PITPNM1: variants seen among roughly 807,000 people sequenced by gnomAD.
PITPNM1 encodes phosphatidylinositol transfer protein membrane associated 1, also known as membrane-associated phosphatidylinositol transfer protein 1.
PITPNM1 carries 74 observed loss-of-function variants against 133.3 expected under a neutral mutation model. The observed-to-expected ratio is 0.56, with a 90% CI of 0.46 to 0.67. The LOEUF (loss-of-function observed/expected upper bound fraction) is 0.67, where lower values mean the gene tolerates loss of function less well. Ranked by LOEUF, PITPNM1 falls within the 30% of genes least tolerant of loss-of-function variation. The pLI is 0.00. For synonymous variants in PITPNM1, 738 were observed against 741.4 expected, an observed-to-expected ratio of 1.00 and a Z score of 0.08; for missense variants, 1,398 against 1,739.5, an observed-to-expected ratio of 0.80 and a Z score of 3.49.
chr11:67,499,205 T>G (rs998679989), intron 8 of PITPNM1, among the ~76,000 whole-genome samples: 85 of 152,246 alleles, frequency 5.6e-4, no homozygotes, highest in African/African-American at 1.9e-3. Context: ...CAGGGCTGCC[T>G]CTCCACACAA....
At position 67,504,427 on chromosome 11, in the gene PITPNM1, C is replaced by T. The variant is rs1463012323; in HGVS notation, c.-41-206G>A. 13 of 173,908 alleles carry T rather than the reference C, an allele frequency of 7.5e-5. No homozygotes were observed. In the Admixed American group the frequency reaches 8.2e-4, roughly 11 times the overall value. The allele number at this position is 173,908 out of a possible 1,614,324, so 10.8% of individuals were successfully genotyped here. A position where few individuals can be genotyped will look rare whatever the true frequency, so the allele number is the denominator to read the frequency against. On this transcript the variant is annotated intron_variant, in intron 1 of 23. Coordinates refer to ENST00000356404, the MANE Select transcript of PITPNM1 (RefSeq NM_004910.3). The surrounding 1 kb of genome is among the most constrained non-coding windows in gnomAD (Gnocchi z 5.4). ...CGCTGACCTCTTTTCCGCGCAGCCCCCGCCCCCCGCCCGCCCGTCGCCATG... is the reference window on the plus strand; with the variant it reads ...CGCTGACCTCTTTTCCGCGCAGCCCTCGCCCCCCGCCCGCCCGTCGCCATG...
chr11:67,495,271 C>G (rs1385326921), intron 16 of PITPNM1, 46 bp from the exon 17 acceptor site: 3 of 1,535,672 alleles, frequency 2.0e-6, no homozygotes, highest in Middle Eastern at 2.0e-4. Flanking sequence ...TGCCCCACAC[C>G]CATCTGCCTG....
Position 67,497,555 on chromosome 11 carries a change from A to T in PITPNM1, c.1907T>A (p.Met636Lys). ...ALPPQRIPSD[M>K]ASPEPEGSQN... The stretch of plus-strand genomic sequence containing the variant: ...AGAGCCCTCGGGCTCAGGACTGGCC[A>T]TGTCGCTGGGGATGCGCTGGGGAGG... Residue 636 changes from methionine (M) to lysine (K), a missense_variant, in exon 13 of 24, where the codon ATG becomes AAG. This residue lies in a region of PITPNM1 where 574 missense variants were observed against 698.7 expected (regional missense o/e 0.82). Coordinates refer to ENST00000356404, the MANE Select transcript of PITPNM1 (RefSeq NM_004910.3). 6.2e-6 allele frequency: 10 copies of T among 1,610,130 alleles called. No individual in the cohort carries two copies. Among genetic ancestry groups the T allele is most frequent in the Non-Finnish European group, 8.5e-6 (10 of 1,179,070 alleles).
At chr11:67,492,389 G>A in intron 23 of PITPNM1, 93 bp from the exon 24 acceptor site, 1 of 1,307,022 alleles carries the variant, frequency 7.7e-7, no homozygotes. Context: ...AGGCAGGCTG[G>A]GGGACTGGTG....
rs200006531 is a variant in PITPNM1, at chr11:67,502,569, C to T, written c.228G>A (p.Leu76=). The T allele has an allele frequency of 8.1e-6, 13 of 1,613,700 alleles. No homozygotes were observed. The East Asian group carries it at 2.5e-4, about 30-fold the overall frequency. Residue 76 remains leucine (L), a synonymous_variant, in exon 3 of 24, where the codon CTG becomes CTA. Coordinates refer to ENST00000356404, the MANE Select transcript of PITPNM1 (RefSeq NM_004910.3). This position sits in a 1 kb window ranked among gnomAD's most constrained non-coding sequence, Gnocchi z 5.9. ...CTACCTGCAGGGCAGCCTTGGGCAG[C>T]AGTGCCCGGAACCAGCCTGGGATGT... ...GSHIPGWFRA[L]LPKAALQVEE...
In PITPNM1 at chr11:67,498,766, G is replaced by C; in HGVS notation, c.1314C>G (p.Ile438Met). The C allele has an allele frequency of 3.1e-6, 5 of 1,612,182 alleles. No individual in the cohort carries two copies. The highest frequency in any genetic ancestry group is 4.2e-6 in the Non-Finnish European group (5 of 1,179,992). Residue 438 changes from isoleucine (I) to methionine (M), a missense_variant, in exon 10 of 24, where the codon ATC (isoleucine) becomes ATG (methionine). Ile to Met is a conservative substitution (Grantham distance 10). Around this residue, in one of 5 missense-constraint regions of PITPNM1, gnomAD observed 574 missense variants for 698.7 expected, o/e 0.82. Coordinates refer to ENST00000356404, the MANE Select transcript of PITPNM1 (RefSeq NM_004910.3). This position sits in a 1 kb window ranked among gnomAD's most constrained non-coding sequence, Gnocchi z 5.7. ...TGGCGTCTCCAGGGCCTGAGTCCAG[G>C]ATGTTGCCGCTGTGCAGGATAAGGA... ...ALFLILHSGN[I>M]LDSGPGDANS...
rs1303958974 is a variant in PITPNM1 at position 67,493,718 on chromosome 11, T to C, written c.3128A>G (p.Lys1043Arg). 4 of 1,547,588 alleles carry C rather than the reference T, an allele frequency of 2.6e-6. No homozygotes were observed. The highest frequency in any genetic ancestry group is 1.2e-5 in the South Asian group (1 of 84,044). ...CACGTCCACGGCGCCAGCTCGCACC[T>C]TGGGGTCGCTGCCCATGATGGAGAC... ...ASVSIMGSDP[K>R]VRAGAVDVVR... The change falls in exon 21 of 24, where the codon AAG becomes AGG. Residue 1043 changes from lysine (K) to arginine (R), a missense_variant. By Grantham distance (26) the Lys-to-Arg change is conservative. This residue lies in a region of PITPNM1 where 233 missense variants were observed against 378.0 expected (regional missense o/e 0.62). Coordinates refer to ENST00000356404, the MANE Select transcript of PITPNM1 (RefSeq NM_004910.3).
intron 5 of PITPNM1, 144 bp downstream of exon 5, chr11:67,501,718 C>T (rs189251208): frequency 5.3e-5 from 37 of 692,890 alleles, no homozygotes; most frequent in East Asian, 4.4e-4. Context: ...GCTGTGCGGC[C>T]GCTTCTGCCC....
In PITPNM1 at chr11:67,498,308, C is replaced by G; in HGVS notation, c.1499G>C (p.Ser500Thr). ...YALVSNLSPY[S>T]HDGDSLSRSQ... is the part of the protein sequence containing the mutation. ...GCGAGACAGGCTGTCCCCATCGTGG[C>G]TGTAAGGGCTCAGGCTGTAGGAGGG... The change falls in exon 11 of 24, where the codon AGC becomes ACC. Residue 500 changes from serine to threonine, a missense_variant. Around this residue, in one of 5 missense-constraint regions of PITPNM1, gnomAD observed 574 missense variants for 698.7 expected, o/e 0.82. Transcript: ENST00000356404. The surrounding 1 kb of genome is among the most constrained non-coding windows in gnomAD (Gnocchi z 5.7). 1 of 1,583,126 alleles carries G rather than the reference C, an allele frequency of 6.3e-7. No individual in the cohort carries two copies. The highest frequency in any genetic ancestry group is 1.7e-4 in the Middle Eastern group (1 of 5,924).
chr11:67,491,770 G>T lies in PITPNM1; in HGVS notation c.*263C>A. ...ATGCCAGGCATGGGGTGAGTGGGTG[G>T]GGTGCAGGTGGCGTTTATTTTCATG... On this transcript the variant is annotated 3_prime_UTR_variant, in exon 24 of 24. Transcript: ENST00000356404. 2.1e-6 allele frequency: 1 copy of T among 483,436 alleles called. No individual in the cohort carries two copies. Among genetic ancestry groups the T allele is most frequent in the Non-Finnish European group, 3.7e-6 (1 of 270,944 alleles). The allele number at this position is 483,436 out of a possible 1,614,324, so 29.9% of individuals were successfully genotyped here.
At chr11:67,501,775 T>G (rs562851000) in intron 5 of PITPNM1, 87 bp downstream of exon 5, 1 of 1,147,336 alleles carries the variant, frequency 8.7e-7, no homozygotes. Flanking sequence ...TGCTTCTGTG[T>G]CCCCAGTGGA....
rs751056502 is a variant in PITPNM1, at chr11:67,498,896, G to A, written c.1233+44C>T. ...GGGTGTCACAGCAGTGGCCGGGCCA[G>A]TGAGTAGGGGGAGCTTTGACATGGG... On this transcript the variant is annotated intron_variant, in intron 9 of 23. Transcript: ENST00000356404. The surrounding 1 kb of genome is among the most constrained non-coding windows in gnomAD (Gnocchi z 5.7). 3 of 1,610,984 alleles carry A rather than the reference G, an allele frequency of 1.9e-6. No homozygotes were observed. The highest frequency in any genetic ancestry group is 2.2e-5 in the South Asian group (2 of 90,998).
rs753126030 is a variant in PITPNM1, at chr11:67,500,334, G to A, written c.728C>T (p.Ala243Val). ...WTELSMADIR[A>V]LEEETARMLA... Reference sequence around the variant, plus strand: ...CATGCGAGCAGTCTCCTCTTCCAGTGCCCGGATGTCAGCCATGCTCAGCTC... The same window carrying A: ...CATGCGAGCAGTCTCCTCTTCCAGTACCCGGATGTCAGCCATGCTCAGCTC... The change falls in exon 6 of 24, where the codon GCA (alanine) becomes GTA (valine). Residue 243 changes from alanine (A) to valine (V), a missense_variant. Around this residue, in one of 5 missense-constraint regions of PITPNM1, gnomAD observed 274 missense variants for 360.7 expected, o/e 0.76. Transcript: ENST00000356404. The A allele has an allele frequency of 1.9e-5, 30 of 1,612,142 alleles. No individual in the cohort carries two copies. Among genetic ancestry groups the A allele is most frequent in the Non-Finnish European group, 2.5e-5 (30 of 1,179,918 alleles).
In PITPNM1 at chr11:67,491,966, C is replaced by A; in HGVS notation, c.*67G>T. ...GCCAAAAGTCTGGGTCCCCAGCCTC[C>A]CACACGCAGCCCCTCGGGCCCCTTG... On this transcript the variant is annotated 3_prime_UTR_variant, in exon 24 of 24. Transcript: ENST00000356404. 6.5e-7 allele frequency: 1 copy of A among 1,546,646 alleles called. No homozygotes were observed. Among genetic ancestry groups the A allele is most frequent in the East Asian group, 2.3e-5 (1 of 44,262 alleles).
In PITPNM1 at chr11:67,498,087, G is replaced by A; in HGVS notation, c.1674+46C>T. On this transcript the variant is annotated intron_variant, in intron 11 of 23. Transcript: ENST00000356404. This position sits in a 1 kb window ranked among gnomAD's most constrained non-coding sequence, Gnocchi z 5.7. ...TCCTCACCCAGGCCAGACTACAGTG[G>A]GGGCTGCAGTGGAGGGCAGCAGATG... The A allele has an allele frequency of 6.2e-7, 1 of 1,607,014 alleles. No individual in the cohort carries two copies. The highest frequency in any genetic ancestry group is 8.5e-7 in the Non-Finnish European group (1 of 1,176,774).
intron 18 of PITPNM1, among the ~76,000 whole-genome samples, 199 bp downstream of exon 18, chr11:67,494,647 G>A (rs940108072): frequency 1.3e-5 from 2 of 152,070 alleles, no homozygotes; most frequent in African/African-American, 4.8e-5. Context: ...TTCCCGCAGA[G>A]GGCGGGGAGA....
Position 67,498,366 on chromosome 11 carries a change from C to A in PITPNM1, c.1485-44G>T. On this transcript the variant is annotated intron_variant, in intron 10 of 23. Transcript: ENST00000356404. This position sits in a 1 kb window ranked among gnomAD's most constrained non-coding sequence, Gnocchi z 5.7. ...TGCGTGGGTGAGGGGCTTCCAGACC[C>A]ACTCCTGCCATCCAAGTCCCCTGGG... The A allele has an allele frequency of 6.7e-7, 1 of 1,484,190 alleles. No homozygotes were observed. The highest frequency in any genetic ancestry group is 2.3e-5 in the Admixed American group (1 of 44,372). 91.9% of individuals were successfully genotyped at this position (1,484,190 alleles called of 1,614,324 possible).
In PITPNM1 at chr11:67,505,271, C is replaced by A. The variant is rs1252013148; in HGVS notation, c.-125G>T. 12 of 152,010 alleles carry A rather than the reference C, an allele frequency of 7.9e-5. No homozygotes were observed. The highest frequency in any genetic ancestry group is 7.9e-4 in the Admixed American group (12 of 15,258). The allele number at this position is 152,010 out of a possible 1,614,324, so 9.4% of individuals were successfully genotyped here. On this transcript the variant is annotated 5_prime_UTR_variant, in exon 1 of 24. Coordinates refer to ENST00000356404, the MANE Select transcript of PITPNM1 (RefSeq NM_004910.3). The surrounding 1 kb of genome is among the most constrained non-coding windows in gnomAD (Gnocchi z 5.8). The stretch of plus-strand genomic sequence containing the variant: ...TCGGAGCCCGGAGCGCCCCCAGCCC[C>A]GGCCTCGGGTTCCAGCGGTGGCCGG...
chr11:67,494,216 C>T, intron 19 of PITPNM1, 28 bp downstream of exon 19: 1 of 1,600,190 alleles, frequency 6.2e-7, no homozygotes, highest in Admixed American at 1.7e-5. Context: ...GGCCATGGGA[C>T]CAGGCGACAG....
Sources: allele counts gnomAD v4.1 joint callset (sites outside exome capture counted in the v4.1 genomes callset), GRCh38; gene constraint gnomAD v4.1.1; regional missense constraint gnomAD v4.1.1; non-coding constraint Gnocchi (gnomAD v3.1); transcripts MANE v1.5; gene names NCBI Gene and HGNC (gene_info 2026-07-23, HGNC 2026-07-21).